The following TRIM36 variants were observed in gnomAD, a reference collection of about 807,000 sequenced individuals.
TRIM36 encodes tripartite motif containing 36.
TRIM36 carries 42 observed loss-of-function variants against 72.4 expected under a neutral mutation model. The ratio of observed to expected loss-of-function variants is 0.58; its 90% CI spans 0.45 to 0.75. The LOEUF (loss-of-function observed/expected upper bound fraction) is 0.75. TRIM36 is among the 30% of genes least tolerant of loss of function. The probability of loss-of-function intolerance (pLI) is 0.00; values close to 1 mark genes in which losing one functional copy is unlikely to be tolerated. For synonymous variants in TRIM36, 315 were observed against 282.8 expected, an observed-to-expected ratio of 1.11 and a Z score of -1.14; for missense variants, 913 against 857.1, an observed-to-expected ratio of 1.07 and a Z score of -0.81.
intron 1 of TRIM36, among the ~76,000 whole-genome samples, 184 bp from the exon 2 acceptor site, chr5:115,163,936 C>A (rs1454796150): frequency 6.6e-6 from 1 of 151,922 alleles, no homozygotes; most frequent in African/African-American, 2.4e-5. Context: ...CACCCATAAC[C>A]CAGAACTGAA....
intron 5 of TRIM36, among the ~76,000 whole-genome samples, chr5:115,140,412 T>G (rs1244412382): frequency 6.6e-6 from 1 of 152,220 alleles, no homozygotes; most frequent in Non-Finnish European, 1.5e-5. Context: ...TCTTTTCTAA[T>G]TTTTTATTGA....
chr5:115,172,388 T>C (rs149867900), upstream of TRIM36, among the ~76,000 whole-genome samples: 236 of 152,292 alleles, frequency 1.5e-3, no homozygotes, highest in African/African-American at 5.4e-3. Flanking sequence ...ATAATATACA[T>C]TCATACCATG....
chr5:115,135,896 T>C (rs1580647903), intron 7 of TRIM36, among the ~76,000 whole-genome samples: 1 of 152,192 alleles, frequency 6.6e-6, no homozygotes, highest in Non-Finnish European at 1.5e-5. Flanking sequence ...CAAATTTCCT[T>C]GTATTAATGT....
chr5:115,167,667 A>G (rs951342344), intron 1 of TRIM36, among the ~76,000 whole-genome samples: 3 of 152,224 alleles, frequency 2.0e-5, no homozygotes, highest in Non-Finnish European at 4.4e-5. Context: ...AAACCATTCA[A>G]CAAGTCTCTA....
chr5:115,155,646 G>T (rs2112879094), intron 2 of TRIM36, among the ~76,000 whole-genome samples: 1 of 152,254 alleles, frequency 6.6e-6, no homozygotes, highest in South Asian at 2.1e-4. Context: ...AGCAAAATCA[G>T]CATACAAGGA....
Position 115,130,764 on chromosome 5 carries a change from C to G in TRIM36, c.1624G>C (p.Val542Leu). The change falls in exon 9 of 10, where the codon GTG (valine) becomes CTG (leucine). Residue 542 changes from valine (V) to leucine (L), a missense_variant. Val to Leu is a conservative substitution (Grantham distance 32). Transcript: ENST00000513154. ...TAGTCTAAGCTTGTGTAATAACCCA[C>G]TTGGATGCGTTCTGCAGCAAGCAGA... The part of the protein sequence containing the change: ...NLLLAAERIQ[V>L]GYYTSLDYII... 6.2e-7 allele frequency: 1 copy of G among 1,614,166 alleles called. No individual in the cohort carries two copies. The highest frequency in any genetic ancestry group is 1.1e-5 in the South Asian group (1 of 91,082).
chr5:115,145,514 C>CATTT (rs200095219), intron 3 of TRIM36, among the ~76,000 whole-genome samples: 62 of 147,242 alleles, frequency 4.2e-4, no homozygotes, highest in East Asian at 3.3e-3. Flanking sequence ...AACTTACAGA[C>CATTT]ATTTATTTAT....
At chr5:115,146,970 A>C (rs1753627765) in intron 3 of TRIM36, 99 bp downstream of exon 3, 3 of 1,218,944 alleles carry the variant, frequency 2.5e-6, no homozygotes, top group Admixed American at 2.9e-5. Context: ...CTTTCTGTCA[A>C]GTTCTAGACT....
chr5:115,179,691 G>C (rs1304836775), intron 1 of TRIM36, among the ~76,000 whole-genome samples: 1 of 152,248 alleles, frequency 6.6e-6, no homozygotes, highest in East Asian at 1.9e-4. Context: ...TCCGACGCTG[G>C]GCTCTCGCCC....
chr5:115,162,913 A>G (rs1409617443), intron 2 of TRIM36, among the ~76,000 whole-genome samples: 1 of 151,770 alleles, frequency 6.6e-6, no homozygotes, highest in African/African-American at 2.4e-5. Context: ...TATTCTATGT[A>G]TCAAGTACAT....
At position 115,147,228 on chromosome 5, in the gene TRIM36, A is replaced by G. The variant is rs539194598; in HGVS notation, c.429T>C (p.Ile143=). 8.1e-6 allele frequency: 13 copies of G among 1,614,164 alleles called. 1 individual carries two copies. In the East Asian group the frequency reaches 2.7e-4, roughly 33 times the overall value. Residue 143 remains isoleucine, a synonymous_variant, in exon 3 of 10, where the codon ATT becomes ATC. Coordinates refer to ENST00000513154, the MANE Select transcript of TRIM36 (RefSeq NM_001300759.2). ...YRQAARAATA[I]MCDLCKPPPQ... ...GTGGTGGTTTACAAAGGTCACACATAATGGCTGTGGCTGCCCTAGCTGCTT... is the reference window on the plus strand; with the variant it reads ...GTGGTGGTTTACAAAGGTCACACATGATGGCTGTGGCTGCCCTAGCTGCTT...
intron 2 of TRIM36, among the ~76,000 whole-genome samples, chr5:115,156,106 A>C (rs1297705078): frequency 6.6e-6 from 1 of 152,152 alleles, no homozygotes; most frequent in African/African-American, 2.4e-5. Context: ...TACTCAACCA[A>C]GGAAGTGAAG....
chr5:115,153,044 A>T (rs1160232087), intron 2 of TRIM36, among the ~76,000 whole-genome samples: 1 of 152,172 alleles, frequency 6.6e-6, no homozygotes, highest in East Asian at 1.9e-4. Context: ...CTCAATACCA[A>T]CTGAATGTAA....
rs552285290 is a variant in TRIM36, at chr5:115,124,904, T to C, written c.*1599A>G. 1 of 152,662 alleles carries C rather than the reference T, an allele frequency of 6.6e-6. No homozygotes were observed. Among genetic ancestry groups the C allele is most frequent in the Admixed American group, 6.5e-5 (1 of 15,284 alleles). 9.5% of individuals were successfully genotyped at this position (152,662 alleles called of 1,614,324 possible). On this transcript the variant is annotated 3_prime_UTR_variant, in exon 10 of 10. Coordinates refer to ENST00000513154, the MANE Select transcript of TRIM36 (RefSeq NM_001300759.2). ...ACATCATATGTGCTTGTACAAGGCT[T>C]GAGTATCAACCACAAATGTGACTTT...
Position 115,163,557 on chromosome 5 carries a change from A to T in TRIM36, c.223T>A (p.Ser75Thr). ...CGGTCAATTTTATCCATACTAGGGG[A>T]GGGGAGCCGAAGTCGAGGACTGCTT... ...NQSSPRLRLPSPSMDKIDRIN... is the reference protein window; with the variant it reads ...NQSSPRLRLPTPSMDKIDRIN... Residue 75 changes from serine to threonine, a missense_variant, in exon 2 of 10, where the codon TCC becomes ACC. Physicochemically the swap from Ser to Thr is moderately conservative, Grantham distance 58 (BLOSUM62 1). Coordinates refer to ENST00000513154, the MANE Select transcript of TRIM36 (RefSeq NM_001300759.2). 4 of 1,614,126 alleles carry T rather than the reference A, an allele frequency of 2.5e-6. No homozygotes were observed. Among genetic ancestry groups the T allele is most frequent in the Non-Finnish European group, 3.4e-6 (4 of 1,180,030 alleles).
At chr5:115,154,017 C>T (rs1177993401) in intron 2 of TRIM36, among the ~76,000 whole-genome samples, 2 of 152,020 alleles carry the variant, frequency 1.3e-5, no homozygotes, top group Non-Finnish European at 2.9e-5. Flanking sequence ...TGGAAATCAA[C>T]TCCACAAGGA....
rs989036727 is a variant in TRIM36 at position 115,137,425 on chromosome 5, T to C, written c.1023A>G (p.Gln341=). ...LENNGLVGYA[Q]EVLKETDQSC... ...ACTGATCTGTCTCCTTTAGCACTTC[T>C]TGAGCATATCCCACAAGTCCATTGT... is the stretch of plus-strand genomic sequence containing the variant. The change falls in exon 6 of 10, where the codon CAA becomes CAG. Residue 341 remains glutamine, a synonymous_variant. Coordinates refer to ENST00000513154, the MANE Select transcript of TRIM36 (RefSeq NM_001300759.2). 3.0e-5 allele frequency: 49 copies of C among 1,614,034 alleles called. No individual in the cohort carries two copies. In the African/African-American group the frequency reaches 4.1e-4, roughly 14 times the overall value.
At chr5:115,170,960 G>A (rs975124877), upstream of TRIM36, 4 of 1,296,614 alleles carry the variant, frequency 3.1e-6, no homozygotes, top group African/African-American at 2.9e-5. Flanking sequence ...GACACACGGA[G>A]AACAAATTAA....
At chr5:115,154,045 A>C (rs1238262724) in intron 2 of TRIM36, among the ~76,000 whole-genome samples, 1 of 152,198 alleles carries the variant, frequency 6.6e-6, no homozygotes, top group Non-Finnish European at 1.5e-5. Context: ...AAACCATGCA[A>C]ATACATGGAA....
Sources: allele counts gnomAD v4.1 joint callset (sites outside exome capture counted in the v4.1 genomes callset), GRCh38; gene constraint gnomAD v4.1.1; transcripts MANE v1.5; gene names NCBI Gene and HGNC (gene_info 2026-07-23, HGNC 2026-07-21).